Variants in SCN9A observed in about 807,000 individuals in gnomAD.
The protein encoded by SCN9A is sodium channel protein type 9 subunit alpha.
In SCN9A, 131 loss-of-function variants were observed where a neutral mutation model predicts 187.0. That is an observed-to-expected ratio of 0.70 (90% CI 0.61 to 0.81). The LOEUF is 0.81. SCN9A is among the 30% of genes least tolerant of loss of function. The pLI, the probability that SCN9A is intolerant of heterozygous loss-of-function variation, is 0.00. For missense variants in SCN9A, 2,252 were observed against 2,396.6 expected (o/e 0.94, Z 1.26); for synonymous variants, 809 against 808.6 (o/e 1.00, Z -0.01).
At chr2:166,260,329 C>T (rs1696452523) in intron 17 of SCN9A, among the ~76,000 whole-genome samples, 1 of 151,652 alleles carries the variant, frequency 6.6e-6, no homozygotes, top group Non-Finnish European at 1.5e-5. Context: ...ATGAGTGAAT[C>T]AGGTGAACAA....
intron 1 of SCN9A, among the ~76,000 whole-genome samples, chr2:166,320,914 T>C (rs868547034): frequency 2.0e-5 from 3 of 152,166 alleles, no homozygotes; most frequent in Admixed American, 1.3e-4. Flanking sequence ...ATCATCTGTG[T>C]AACCTAAAAA....
intron 18 of SCN9A, among the ~76,000 whole-genome samples, chr2:166,250,224 AG>A: frequency 6.6e-6 from 1 of 152,236 alleles, no homozygotes; most frequent in Non-Finnish European, 1.5e-5. Flanking sequence ...GGACACTGAA[AG>A]CAAGTCGATG....
In SCN9A at chr2:166,210,519, C is replaced by CAAAA. The variant is rs34448541; in HGVS notation, c.4399-6059_4399-6056dup. Among the ~76,000 whole-genome samples the CAAAA allele has an allele frequency of 1.1e-3, 102 of 96,354 alleles. 1 individual carries two copies. Among genetic ancestry groups the CAAAA allele is most frequent in the African/African-American group, 4.3e-3 (99 of 23,278 alleles). The allele number at this position is 96,354 out of a possible 152,430, so 63.2% of individuals were successfully genotyped here. On this transcript the variant is annotated intron_variant, in intron 24 of 26. Coordinates refer to ENST00000642356, the MANE Select transcript of SCN9A (RefSeq NM_001365536.1). ...TAAAAAACCCTCAAAAGATGGACAC[C>CAAAA]AAAAAAAAAAAAAAAGGTAGATCAT...
At chr2:166,359,669 A>G (rs1394240301) in intron 1 of SCN9A, among the ~76,000 whole-genome samples, 1 of 152,084 alleles carries the variant, frequency 6.6e-6, no homozygotes, top group African/African-American at 2.4e-5. Context: ...TTCATGTCCT[A>G]AAATCATTCA....
intron 1 of SCN9A, among the ~76,000 whole-genome samples, chr2:166,361,450 C>A (rs1700283257): frequency 1.3e-5 from 2 of 152,016 alleles, no homozygotes; most frequent in African/African-American, 2.4e-5. Flanking sequence ...CAATATATGC[C>A]ACACACAGCC....
intron 1 of SCN9A, among the ~76,000 whole-genome samples, chr2:166,367,333 G>T (rs1187360125): frequency 6.6e-6 from 1 of 152,130 alleles, no homozygotes; most frequent in African/African-American, 2.4e-5. Flanking sequence ...CTCGATCTCA[G>T]CTCACTGCAA....
chr2:166,351,145 T>G (rs1386383242), intron 1 of SCN9A, among the ~76,000 whole-genome samples: 2 of 152,066 alleles, frequency 1.3e-5, no homozygotes, highest in African/African-American at 2.4e-5. Flanking sequence ...AAGGGAAGAA[T>G]TTAACAAAAT....
chr2:166,307,931 C>T (rs538235148), intron 2 of SCN9A, among the ~76,000 whole-genome samples: 8 of 152,320 alleles, frequency 5.3e-5, no homozygotes, highest in African/African-American at 1.9e-4. Flanking sequence ...CTGAAAGACA[C>T]TGACTTTCTA....
rs200624920 is a variant in SCN9A, at chr2:166,278,306, G to C, written c.2351C>G (p.Thr784Ser). 53 of 1,597,896 alleles carry C rather than the reference G, an allele frequency of 3.3e-5. 1 individual carries two copies. The highest frequency in any genetic ancestry group is 3.2e-4 in the Admixed American group (18 of 56,874). The change falls in exon 15 of 27, where the codon ACT becomes AGT. Residue 784 changes from threonine to serine, a missense_variant. By Grantham distance (58) the Thr-to-Ser change is moderately conservative (BLOSUM62 1). Around this residue, in one of 7 missense-constraint regions of SCN9A, gnomAD observed 1,013 missense variants for 997.4 expected, o/e 1.02. Transcript: ENST00000642356. ...TACCATTTCAGCTGCAAAGATTCCA[G>C]TAAAGACCTAAGTGAGAAAAATAAT... ...NVLAIGNLVF[T>S]GIFAAEMVLK...
At chr2:166,357,741 T>C in intron 1 of SCN9A, among the ~76,000 whole-genome samples, 1 of 152,198 alleles carries the variant, frequency 6.6e-6, no homozygotes, top group East Asian at 1.9e-4. Flanking sequence ...GTCAAGAAGT[T>C]AGCTTGTGCG....
At chr2:166,331,501 G>A (rs550244319) in intron 1 of SCN9A, among the ~76,000 whole-genome samples, 1 of 152,240 alleles carries the variant, frequency 6.6e-6, no homozygotes, top group East Asian at 1.9e-4. Flanking sequence ...CAACCACTCT[G>A]TTATCAATAT....
intron 2 of SCN9A, 85 bp from the exon 3 acceptor site, chr2:166,307,159 G>T: frequency 1.4e-6 from 1 of 722,910 alleles, no homozygotes; most frequent in Non-Finnish European, 2.4e-6. Flanking sequence ...CTTTCTACAT[G>T]GCAGTGTTAT....
intron 16 of SCN9A, among the ~76,000 whole-genome samples, chr2:166,275,574 A>G (rs1483961896): frequency 7.7e-6 from 1 of 130,158 alleles, no homozygotes; most frequent in Non-Finnish European, 1.7e-5. Context: ...ACAAAGCGAG[A>G]TTCCATCTCA....
At chr2:166,295,347 G>C (rs2106507797) in intron 7 of SCN9A, among the ~76,000 whole-genome samples, 1 of 152,342 alleles carries the variant, frequency 6.6e-6, no homozygotes, top group South Asian at 2.1e-4. Flanking sequence ...GTCACTTAAT[G>C]ACTGTGATAC....
intron 17 of SCN9A, among the ~76,000 whole-genome samples, chr2:166,262,703 CT>C (rs959683788): frequency 6.6e-6 from 1 of 151,938 alleles, no homozygotes; most frequent in Non-Finnish European, 1.5e-5. Flanking sequence ...CTAACCAAAT[CT>C]TTTCTTAATC....
intron 5 of SCN9A, among the ~76,000 whole-genome samples, chr2:166,305,296 T>C (rs1258978650): frequency 6.6e-6 from 1 of 152,010 alleles, no homozygotes; most frequent in African/African-American, 2.4e-5. Context: ...ATAAACTGAG[T>C]GTATATATAA....
intron 1 of SCN9A, among the ~76,000 whole-genome samples, chr2:166,372,319 C>G (rs1700585450): frequency 6.6e-6 from 1 of 152,196 alleles, no homozygotes; most frequent in Non-Finnish European, 1.5e-5. Flanking sequence ...CGTGTGGAAA[C>G]CTAACTTATG....
intron 20 of SCN9A, 64 bp from the exon 21 acceptor site, chr2:166,233,526 A>G: frequency 1.4e-6 from 2 of 1,379,328 alleles, no homozygotes; most frequent in South Asian, 1.5e-5. Flanking sequence ...GGAAAAAGTC[A>G]ATTCTGAAAC....
In SCN9A at chr2:166,199,483, T is replaced by G; in HGVS notation, c.5156A>C (p.Lys1719Thr). ...TTCAACTGAACTTCCAGGATGAACT[T>G]TTTTTGGGTCACAGTCGGGTGGCTT... ...NSKPPDCDPK[K>T]VHPGSSVEGD... Residue 1719 changes from lysine (K) to threonine (T), a missense_variant, in exon 27 of 27, where the codon AAA becomes ACA. Lys to Thr is a moderately conservative substitution (Grantham distance 78, BLOSUM62 -1). Around this residue, in one of 7 missense-constraint regions of SCN9A, gnomAD observed 345 missense variants for 344.6 expected, o/e 1.00. Coordinates refer to ENST00000642356, the MANE Select transcript of SCN9A (RefSeq NM_001365536.1). 1.2e-6 allele frequency: 2 copies of G among 1,614,178 alleles called. No individual in the cohort carries two copies. The highest frequency in any genetic ancestry group is 1.7e-6 in the Non-Finnish European group (2 of 1,180,028).
Sources: gnomAD v4.1 joint callset for allele counts (sites outside exome capture counted in the v4.1 genomes callset) on GRCh38, gnomAD v4.1.1 for gene constraint, gnomAD v4.1.1 regional missense constraint, MANE v1.5 for transcripts, NCBI Gene and HGNC (gene_info 2026-07-23, HGNC 2026-07-21) for gene names.